PLAUR: variants seen among roughly 807,000 people sequenced by gnomAD.
PLAUR encodes plasminogen activator, urokinase receptor.
PLAUR carries 22 observed loss-of-function variants against 33.4 expected under a neutral mutation model. That is an observed-to-expected ratio of 0.66 (90% CI 0.47 to 0.94). PLAUR has a LOEUF of 0.94. Among genes scored for constraint, PLAUR ranks in the 40% least tolerant of loss-of-function variants. The probability of loss-of-function intolerance (pLI) is 0.00; values close to 1 mark genes in which losing one functional copy is unlikely to be tolerated. For missense variants in PLAUR, 408 were observed against 434.7 expected (o/e 0.94, Z 0.55); for synonymous variants, 148 against 167.3 (o/e 0.88, Z 0.89).
downstream of PLAUR, among the ~76,000 whole-genome samples, chr19:43,647,643 C>T (rs767296265): frequency 3.9e-5 from 6 of 152,006 alleles, no homozygotes; most frequent in African/African-American, 9.7e-5. Context: ...CCTGTCTCTA[C>T]TAAAAATACA....
chr19:43,653,066 G>A (rs1039858819), intron 5 of PLAUR, among the ~76,000 whole-genome samples: 7 of 152,024 alleles, frequency 4.6e-5, no homozygotes, highest in African/African-American at 9.7e-5. Context: ...TCCCGCCTCC[G>A]CCTCCAAAAG....
At chr19:43,646,664 A>G (rs954820696), downstream of PLAUR, 3 of 646,798 alleles carry the variant, frequency 4.6e-6, no homozygotes, top group Non-Finnish European at 8.4e-6. Context: ...ACTCATATTC[A>G]AGAGGCAGAA....
At position 43,656,890 on chromosome 19, in the gene PLAUR, C is replaced by G. The variant is rs539322453; in HGVS notation, c.311-250G>C. 1.5e-4 allele frequency: 56 copies of G among 367,224 alleles called. No individual in the cohort carries two copies. The South Asian group carries it at 2.9e-3, about 19-fold the overall frequency. The allele number at this position is 367,224 out of a possible 1,614,324, so 22.7% of individuals were successfully genotyped here. ...CTCTGGGTTTCCATTCTTGTCACCC[C>G]CTACTCACCCCAGTGCAGCATCTCC... On this transcript the variant is annotated intron_variant, in intron 3 of 6. Transcript: ENST00000340093.
chr19:43,646,883 C>G (rs532109242), downstream of PLAUR, among the ~76,000 whole-genome samples: 4 of 147,016 alleles, frequency 2.7e-5, no homozygotes, highest in African/African-American at 1.0e-4. Flanking sequence ...TGGGTTCAAG[C>G]GATTCTCCTG....
At chr19:43,646,544 G>A, downstream of PLAUR, 1 of 717,566 alleles carries the variant, frequency 1.4e-6, no homozygotes, top group South Asian at 1.5e-5. Flanking sequence ...CCCAGAGTGA[G>A]CGTTCTAAGA....
At chr19:43,664,217 T>G (rs114813746) in intron 3 of PLAUR, among the ~76,000 whole-genome samples, 2,583 of 151,638 alleles carry the variant, frequency 0.017, 45 homozygotes, top group African/African-American at 0.045. Context: ...GAGGTCAGGA[T>G]GGATGAAAAC....
At chr19:43,668,845 CT>C (rs1448580132) in intron 1 of PLAUR, among the ~76,000 whole-genome samples, 2 of 151,772 alleles carry the variant, frequency 1.3e-5, no homozygotes, top group Admixed American at 1.3e-4. Context: ...TCTAGCCCCG[CT>C]CCTAGCTCTT....
chr19:43,666,273 A>G (rs1253721717), intron 2 of PLAUR, among the ~76,000 whole-genome samples: 1 of 152,024 alleles, frequency 6.6e-6, no homozygotes, highest in Non-Finnish European at 1.5e-5. Flanking sequence ...TAAAAAACGT[A>G]TCATATTCTG....
At chr19:43,661,935 G>A (rs1002696267) in intron 3 of PLAUR, among the ~76,000 whole-genome samples, 10 of 151,398 alleles carry the variant, frequency 6.6e-5, no homozygotes, top group Admixed American at 5.3e-4. Context: ...GTGCAGTGGC[G>A]TGATCACTGC....
chr19:43,667,673 C>G lies in PLAUR; in HGVS notation c.74G>C (p.Cys25Ser). ...ATCCCCGTTGGTCTTACACTGCATGCACCGCAGGCCCCAAGAGGCTGGGGG... is the reference window on the plus strand; with the variant it reads ...ATCCCCGTTGGTCTTACACTGCATGGACCGCAGGCCCCAAGAGGCTGGGGG... ...TCVPASWGLR[C>S]MQCKTNGDCR... The change falls in exon 2 of 7, where the codon TGC becomes TCC. Residue 25 changes from cysteine to serine, a missense_variant. Transcript: ENST00000340093. The G allele has an allele frequency of 1.2e-6, 2 of 1,613,920 alleles. No homozygotes were observed. The highest frequency in any genetic ancestry group is 1.7e-6 in the Non-Finnish European group (2 of 1,179,962).
chr19:43,656,039 G>A (rs7245871), intron 4 of PLAUR, among the ~76,000 whole-genome samples: 354 of 152,202 alleles, frequency 2.3e-3, no homozygotes, highest in African/African-American at 7.9e-3. Context: ...TGGATCACAA[G>A]GTCAGGAGTT....
chr19:43,647,895 A>G (rs1973849602), downstream of PLAUR, among the ~76,000 whole-genome samples: 1 of 151,592 alleles, frequency 6.6e-6, no homozygotes. Context: ...TTTAGAGAAA[A>G]CCAACCTGAG....
In PLAUR at chr19:43,667,928, C is replaced by T. The variant is rs114744756; in HGVS notation, c.56-237G>A. 218 of 1,372,942 alleles carry T rather than the reference C, an allele frequency of 1.6e-4. No individual in the cohort carries two copies. The African/African-American group carries it at 2.9e-3, about 18-fold the overall frequency. The allele number at this position is 1,372,942 out of a possible 1,614,324, so 85.0% of individuals were successfully genotyped here. A position where few individuals can be genotyped will look rare whatever the true frequency, so the allele number is the denominator to read the frequency against. On this transcript the variant is annotated intron_variant, in intron 1 of 6. Coordinates refer to ENST00000340093, the MANE Select transcript of PLAUR (RefSeq NM_002659.4). ...TGCCCACAAGTCCTTTCCCAAAGTC[C>T]TGCCTTGGCCCGTTTTTCCTTTCAT...
chr19:43,658,576 C>T (rs1215442347), intron 3 of PLAUR, among the ~76,000 whole-genome samples: 2 of 152,114 alleles, frequency 1.3e-5, no homozygotes, highest in Non-Finnish European at 2.9e-5. Flanking sequence ...TGGTGTTGGC[C>T]AACTGGATCC....
At chr19:43,655,276 CAAAAAA>C (rs34689348) in intron 5 of PLAUR, among the ~76,000 whole-genome samples, 157 bp downstream of exon 5, 1 of 66,190 alleles carries the variant, frequency 1.5e-5, no homozygotes, top group African/African-American at 6.0e-5. Flanking sequence ...GACTCCGTCT[CAAAAAA>C]AAAAAAAAAA....
At chr19:43,664,444 T>C (rs1967140063) in intron 3 of PLAUR, among the ~76,000 whole-genome samples, 1 of 152,156 alleles carries the variant, frequency 6.6e-6, no homozygotes, top group South Asian at 2.1e-4. Flanking sequence ...AATTTGACCT[T>C]TTCTAAGTCT....
chr19:43,667,874 TC>T (rs1967330084), intron 1 of PLAUR, 183 bp from the exon 2 acceptor site: 1 of 1,428,288 alleles, frequency 7.0e-7, no homozygotes, highest in Admixed American at 2.7e-5. Flanking sequence ...ACGTTCTACC[TC>T]CACCCCACTA....
chr19:43,666,228 T>G (rs1296780529), intron 2 of PLAUR, among the ~76,000 whole-genome samples: 1 of 152,116 alleles, frequency 6.6e-6, no homozygotes, highest in African/African-American at 2.4e-5. Flanking sequence ...GTGCTTGGCT[T>G]CATATACTGT....
At chr19:43,649,774 A>C (rs1295060880) in intron 6 of PLAUR, among the ~76,000 whole-genome samples, 3 of 152,114 alleles carry the variant, frequency 2.0e-5, no homozygotes, top group Non-Finnish European at 4.4e-5. Flanking sequence ...GGAAGCGAGC[A>C]GCGGTTCTTA....
Sources: gnomAD v4.1 joint callset for allele counts (sites outside exome capture counted in the v4.1 genomes callset) on GRCh38, gnomAD v4.1.1 for gene constraint, MANE v1.5 for transcripts, NCBI Gene and HGNC (gene_info 2026-07-23, HGNC 2026-07-21) for gene names.